Variants in ZMYM2 observed in about 807,000 individuals in gnomAD.
ZMYM2 encodes zinc finger MYM-type protein 2.
In ZMYM2, 56 loss-of-function variants were observed where a neutral mutation model predicts 162.8. The observed-to-expected ratio is 0.34, with a 90% CI of 0.28 to 0.43. The LOEUF (loss-of-function observed/expected upper bound fraction) is 0.43, where lower values mean the gene tolerates loss of function less well. ZMYM2 is among the 20% of genes least tolerant of loss of function. The pLI, the probability that ZMYM2 is intolerant of heterozygous loss-of-function variation, is 1.00. For synonymous variants in ZMYM2, 510 were observed against 541.6 expected (o/e 0.94, Z 0.81); for missense variants, 1,275 against 1,621.8 (o/e 0.79, Z 3.67).
the ZMYM2 span, among the ~76,000 whole-genome samples, chr13:19,918,495 C>CTTTTTTTTTTT: frequency 1.9e-5 from 2 of 107,504 alleles, no homozygotes; most frequent in South Asian, 3.3e-4. Flanking sequence ...TTCTTTCTTT[C>CTTTTTTTTTTT]TTTTTTTTTT....
chr13:19,888,386 G>A, the ZMYM2 span, among the ~76,000 whole-genome samples: 1 of 151,330 alleles, frequency 6.6e-6, no homozygotes, highest in African/African-American at 2.4e-5. Flanking sequence ...ACTGGGTCTT[G>A]CCATGTTGCC....
intron 12 of ZMYM2, among the ~76,000 whole-genome samples, chr13:20,037,786 T>C (rs1953866815): frequency 6.6e-6 from 1 of 152,196 alleles, no homozygotes; most frequent in African/African-American, 2.4e-5. Context: ...GCAGGTTTTT[T>C]ATATAGGTAA....
chr13:20,084,481 T>C (rs2141065602), intron 24 of ZMYM2, among the ~76,000 whole-genome samples: 1 of 152,338 alleles, frequency 6.6e-6, no homozygotes, highest in Middle Eastern at 3.4e-3. Context: ...TATAAATTCA[T>C]GGCATGTGGC....
chr13:19,923,795 T>C, the ZMYM2 span, among the ~76,000 whole-genome samples: 1 of 151,208 alleles, frequency 6.6e-6, no homozygotes, highest in Non-Finnish European at 1.5e-5. Flanking sequence ...CTCAGCCTCC[T>C]GAGTAGCTGG....
chr13:20,058,266 A>G (rs1194654201), intron 14 of ZMYM2, among the ~76,000 whole-genome samples: 1 of 152,192 alleles, frequency 6.6e-6, no homozygotes, highest in Non-Finnish European at 1.5e-5. Flanking sequence ...TCAGGTTTGC[A>G]ACCTTGATTT....
chr13:19,906,115 A>C, the ZMYM2 span, among the ~76,000 whole-genome samples: 2 of 151,304 alleles, frequency 1.3e-5, no homozygotes, highest in African/African-American at 4.9e-5. Context: ...GTCTCTACTA[A>C]ATACAAAAAA....
chr13:19,914,230 C>A, the ZMYM2 span, among the ~76,000 whole-genome samples: 1 of 152,220 alleles, frequency 6.6e-6, no homozygotes, highest in Non-Finnish European at 1.5e-5. Context: ...ATTTGTGTCT[C>A]ATGTGAATGC....
At chr13:20,057,867 C>T (rs1270022261) in intron 14 of ZMYM2, among the ~76,000 whole-genome samples, 1 of 152,078 alleles carries the variant, frequency 6.6e-6, no homozygotes, top group East Asian at 1.9e-4. Flanking sequence ...AATTATGTAC[C>T]TACATTTTCT....
chr13:20,013,901 CTT>C (rs749302672), intron 6 of ZMYM2, among the ~76,000 whole-genome samples: 65 of 152,054 alleles, frequency 4.3e-4, no homozygotes, highest in Non-Finnish European at 6.9e-4. Context: ...CTTTTGATGT[CTT>C]TATCTGTCTT....
the ZMYM2 span, among the ~76,000 whole-genome samples, chr13:19,911,086 T>G: frequency 6.8e-6 from 1 of 147,846 alleles, no homozygotes; most frequent in Non-Finnish European, 1.5e-5. Context: ...CTCACTCTGT[T>G]GTCCAGCTAA....
At chr13:20,023,050 T>C (rs886727161) in intron 7 of ZMYM2, among the ~76,000 whole-genome samples, 8 of 152,176 alleles carry the variant, frequency 5.3e-5, no homozygotes, top group Non-Finnish European at 7.4e-5. Context: ...TAAAGTTGAA[T>C]GTAATTGATA....
At chr13:19,917,747 A>G in the ZMYM2 span, among the ~76,000 whole-genome samples, 1 of 152,170 alleles carries the variant, frequency 6.6e-6, no homozygotes, top group Non-Finnish European at 1.5e-5. Context: ...CTAAGTCACT[A>G]TTCATGAATA....
chr13:19,961,909 C>T (rs914268383), intron 2 of ZMYM2, among the ~76,000 whole-genome samples: 2 of 152,148 alleles, frequency 1.3e-5, no homozygotes, highest in Non-Finnish European at 2.9e-5. Context: ...TATGTAAATG[C>T]TTTTAGATCC....
At chr13:20,000,563 A>G (rs907515663) in intron 3 of ZMYM2, among the ~76,000 whole-genome samples, 1 of 152,232 alleles carries the variant, frequency 6.6e-6, no homozygotes, top group Admixed American at 6.5e-5. Flanking sequence ...CCTGTGCTTT[A>G]TCAGTGGAAC....
chr13:19,908,165 G>A, the ZMYM2 span, among the ~76,000 whole-genome samples: 81 of 151,886 alleles, frequency 5.3e-4, no homozygotes, highest in African/African-American at 1.9e-3. Context: ...GTGCATGCCT[G>A]TATTCCCAGC....
the ZMYM2 span, among the ~76,000 whole-genome samples, chr13:19,917,564 T>C: frequency 3.5e-5 from 5 of 142,802 alleles, no homozygotes; most frequent in East Asian, 1.0e-3. Flanking sequence ...CACTCCAGCC[T>C]GAGCAACAAG....
chr13:19,925,615 G>A, the ZMYM2 span, among the ~76,000 whole-genome samples: 2 of 152,012 alleles, frequency 1.3e-5, no homozygotes, highest in East Asian at 3.9e-4. Context: ...GCTCATGCCT[G>A]TAATCCCAGC....
At chr13:20,017,371 G>A (rs1951714394) in intron 6 of ZMYM2, among the ~76,000 whole-genome samples, 2 of 149,718 alleles carry the variant, frequency 1.3e-5, no homozygotes, top group South Asian at 4.3e-4. Flanking sequence ...TTCACCTACA[G>A]GTGTGTCATT....
At chr13:19,870,087 C>CCA in the ZMYM2 span, among the ~76,000 whole-genome samples, 1 of 152,104 alleles carries the variant, frequency 6.6e-6, no homozygotes, top group South Asian at 2.1e-4. Flanking sequence ...GCTTATAAGC[C>CCA]CACTCATGTG....
Sources: gnomAD v4.1 joint callset for allele counts (sites outside exome capture counted in the v4.1 genomes callset) on GRCh38, gnomAD v4.1.1 for gene constraint, MANE v1.5 for transcripts, NCBI Gene and HGNC (gene_info 2026-07-23, HGNC 2026-07-21) for gene names.